Variants in KCNQ1OT1 observed in about 807,000 individuals in gnomAD.
The protein encoded by KCNQ1OT1 is KCNQ1 opposite strand/antisense transcript 1.
At chr11:2,610,070 A>C (rs1314442498) in exon 1 of KCNQ1OT1, 1 of 397,850 alleles carries the variant, frequency 2.5e-6, no homozygotes, top group East Asian at 3.6e-5. Context: ...TTTTCTATGT[A>C]CTATTTCTTG....
exon 1 of KCNQ1OT1, chr11:2,634,333 C>A (rs1174118263): frequency 3.7e-6 from 1 of 271,560 alleles, no homozygotes; most frequent in Non-Finnish European, 6.8e-6. Context: ...CCCCTCCCCC[C>A]CCACCCCACA....
exon 1 of KCNQ1OT1, chr11:2,614,695 T>C: frequency 2.5e-6 from 1 of 398,352 alleles, no homozygotes; most frequent in Non-Finnish European, 4.4e-6. Flanking sequence ...TATGTGAGTG[T>C]TTATTTCTAC....
At position 2,678,496 on chromosome 11, in the gene KCNQ1OT1, C is replaced by G. The variant is rs1850331786; in HGVS notation, n.21499G>C. 1 of 398,434 alleles carries G rather than the reference C, an allele frequency of 2.5e-6. No homozygotes were observed. The highest frequency in any genetic ancestry group is 1.3e-4 in the South Asian group (1 of 7,858). The allele number at this position is 398,434 out of a possible 1,614,324, so 24.7% of individuals were successfully genotyped here. ...TTTCAAACTCTCATTTAATTTGTGT[C>G]CATTTCTAGACTCTATTCTGGACTG... On this transcript the variant is annotated non_coding_transcript_exon_variant, in exon 1 of 1. Coordinates refer to ENST00000597346, the Ensembl canonical transcript of KCNQ1OT1. The surrounding 1 kb of genome is among the most constrained non-coding windows in gnomAD (Gnocchi z 4.9).
In KCNQ1OT1 at chr11:2,627,632, C is replaced by T; in HGVS notation, n.72363G>A. On this transcript the variant is annotated non_coding_transcript_exon_variant, in exon 1 of 1. Transcript: ENST00000597346. This position sits in a 1 kb window ranked among gnomAD's most constrained non-coding sequence, Gnocchi z 4.9. The stretch of plus-strand genomic sequence containing the variant: ...ATGTTGTCATAAATTGCATGATTTC[C>T]TGCTTTTTAAAGGATGAATATTTCA... 1 of 398,272 alleles carries T rather than the reference C, an allele frequency of 2.5e-6. No individual in the cohort carries two copies. Among genetic ancestry groups the T allele is most frequent in the South Asian group, 1.3e-4 (1 of 7,842 alleles). The allele number at this position is 398,272 out of a possible 1,614,324, so 24.7% of individuals were successfully genotyped here.
exon 1 of KCNQ1OT1, chr11:2,650,806 A>T (rs1251021079): frequency 2.5e-6 from 1 of 398,634 alleles, no homozygotes; most frequent in South Asian, 1.3e-4. Flanking sequence ...AGCATGGGTC[A>T]TGTGGTTTTA....
At position 2,674,061 on chromosome 11, in the gene KCNQ1OT1, G is replaced by T; in HGVS notation, n.25934C>A. ...AGCCCCTCATTTGTACTTGCTGGCT[G>T]CCCCATGGGGGCTTGGGCTAGGTCT... On this transcript the variant is annotated non_coding_transcript_exon_variant, in exon 1 of 1. Coordinates refer to ENST00000597346, the Ensembl canonical transcript of KCNQ1OT1. This position sits in a 1 kb window ranked among gnomAD's most constrained non-coding sequence, Gnocchi z 5.9. The T allele has an allele frequency of 2.5e-6, 1 of 398,674 alleles. No individual in the cohort carries two copies. Among genetic ancestry groups the T allele is most frequent in the Non-Finnish European group, 4.4e-6 (1 of 226,104 alleles). The allele number at this position is 398,674 out of a possible 1,614,324, so 24.7% of individuals were successfully genotyped here.
At chr11:2,610,213 G>A (rs892025044) in exon 1 of KCNQ1OT1, 40 of 397,324 alleles carry the variant, frequency 1.0e-4, no homozygotes, top group South Asian at 2.6e-4. Context: ...CTTATGTATC[G>A]TCTCAAAATT....
chr11:2,656,955 G>A (rs1165205063), exon 1 of KCNQ1OT1: 2 of 398,476 alleles, frequency 5.0e-6, no homozygotes, highest in East Asian at 3.6e-5. Flanking sequence ...GTATCCAACT[G>A]CTCCTGAACA....
chr11:2,690,988 A>G lies in KCNQ1OT1; in HGVS notation n.9007T>C, dbSNP rs761190292. The stretch of plus-strand genomic sequence containing the variant: ...TGTGTCAACAAAAGCCCACCAGACC[A>G]TCAATGAAGTGGGCAAAAGCTCTGG... On this transcript the variant is annotated non_coding_transcript_exon_variant, in exon 1 of 1. Transcript: ENST00000597346. This position sits in a 1 kb window ranked among gnomAD's most constrained non-coding sequence, Gnocchi z 5.1. 5.0e-6 allele frequency: 2 copies of G among 398,698 alleles called. No individual in the cohort carries two copies. Among genetic ancestry groups the G allele is most frequent in the Non-Finnish European group, 8.8e-6 (2 of 226,080 alleles). The allele number at this position is 398,698 out of a possible 1,614,324, so 24.7% of individuals were successfully genotyped here.
At chr11:2,684,181 T>G (rs551845941) in exon 1 of KCNQ1OT1, 1 of 398,544 alleles carries the variant, frequency 2.5e-6, no homozygotes, top group African/African-American at 2.1e-5. Flanking sequence ...AAGCGCCCAC[T>G]GGGGCTTGGT....
exon 1 of KCNQ1OT1, chr11:2,697,709 A>G (rs1850702635): frequency 2.5e-6 from 1 of 398,496 alleles, no homozygotes; most frequent in African/African-American, 2.1e-5. Flanking sequence ...TTGCATTCCT[A>G]AGAGCAATCC....
chr11:2,660,043 G>C (rs1044684688), exon 1 of KCNQ1OT1: 1 of 398,306 alleles, frequency 2.5e-6, no homozygotes, highest in African/African-American at 2.1e-5. Context: ...TTTTAATTTT[G>C]ATAAAGTCCA....
chr11:2,695,447 C>G lies in KCNQ1OT1; in HGVS notation n.4548G>C, dbSNP rs1850657638. On this transcript the variant is annotated non_coding_transcript_exon_variant, in exon 1 of 1. Transcript: ENST00000597346. This position sits in a 1 kb window ranked among gnomAD's most constrained non-coding sequence, Gnocchi z 5.2. ...CCCTCTTTCTGTTTGGCATTTGTGT[C>G]ACTCAGCACTGTGTTTCCACGCGTC... 2.5e-6 allele frequency: 1 copy of G among 398,594 alleles called. No individual in the cohort carries two copies. The highest frequency in any genetic ancestry group is 2.1e-5 in the African/African-American group (1 of 48,716). 24.7% of individuals were successfully genotyped at this position (398,594 alleles called of 1,614,324 possible). A position where few individuals can be genotyped will look rare whatever the true frequency, so the allele number is the denominator to read the frequency against.
At chr11:2,638,218 T>A (rs551888967) in exon 1 of KCNQ1OT1, 1 of 152,188 alleles carries the variant, frequency 6.6e-6, no homozygotes, top group East Asian at 1.9e-4. Flanking sequence ...TGATCCATTA[T>A]GATGTTAGCT....
rs1850427548 is a variant in KCNQ1OT1 at position 2,683,181 on chromosome 11, G to T, written n.16814C>A. ...ATGGGTATTAGCATCTGCATTAAAA[G>T]GCTCCCACTGACAGCTCATGCATTG... On this transcript the variant is annotated non_coding_transcript_exon_variant, in exon 1 of 1. Coordinates refer to ENST00000597346, the Ensembl canonical transcript of KCNQ1OT1. The surrounding 1 kb of genome is among the most constrained non-coding windows in gnomAD (Gnocchi z 4.7). 1.0e-5 allele frequency: 4 copies of T among 398,680 alleles called. No individual in the cohort carries two copies. In the East Asian group the frequency reaches 1.4e-4, roughly 14 times the overall value. 24.7% of individuals were successfully genotyped at this position (398,680 alleles called of 1,614,324 possible).
At position 2,669,384 on chromosome 11, in the gene KCNQ1OT1, C is replaced by T; in HGVS notation, n.30611G>A. ...AATGGGTATCCTTATAGTTTTGGGG[C>T]TCCTGAAACATGGCATCATGTGTCC... On this transcript the variant is annotated non_coding_transcript_exon_variant, in exon 1 of 1. Coordinates refer to ENST00000597346, the Ensembl canonical transcript of KCNQ1OT1. The surrounding 1 kb of genome is among the most constrained non-coding windows in gnomAD (Gnocchi z 5.6). 2.5e-6 allele frequency: 1 copy of T among 398,636 alleles called. No homozygotes were observed. Among genetic ancestry groups the T allele is most frequent in the East Asian group, 3.6e-5 (1 of 28,086 alleles). The allele number at this position is 398,636 out of a possible 1,614,324, so 24.7% of individuals were successfully genotyped here.
rs370070707 is a variant in KCNQ1OT1, at chr11:2,677,231, T to C, written n.22764A>G. 80 of 398,540 alleles carry C rather than the reference T, an allele frequency of 2.0e-4. No homozygotes were observed. Among genetic ancestry groups the C allele is most frequent in the African/African-American group, 1.4e-3 (70 of 48,722 alleles). 24.7% of individuals were successfully genotyped at this position (398,540 alleles called of 1,614,324 possible). A position where few individuals can be genotyped will look rare whatever the true frequency, so the allele number is the denominator to read the frequency against. On this transcript the variant is annotated non_coding_transcript_exon_variant, in exon 1 of 1. Coordinates refer to ENST00000597346, the Ensembl canonical transcript of KCNQ1OT1. This position sits in a 1 kb window ranked among gnomAD's most constrained non-coding sequence, Gnocchi z 4.5. ...TGTCTCTTGTCAACCAAAGACAATA[T>C]AAAGCACACACAAAGTAAAGAGGAA...
chr11:2,633,977 T>C (rs987522756), exon 1 of KCNQ1OT1: 10 of 398,438 alleles, frequency 2.5e-5, no homozygotes, highest in Admixed American at 1.8e-4. Flanking sequence ...TTCAAATCTA[T>C]GTTGTTGAAG....
exon 1 of KCNQ1OT1, chr11:2,644,040 C>G (rs984989363): frequency 2.0e-5 from 8 of 398,340 alleles, no homozygotes; most frequent in African/African-American, 1.4e-4. Context: ...CTCTCTTTGT[C>G]TTGGGATGGG....
Sources: allele counts gnomAD v4.1 joint callset, GRCh38; gene constraint gnomAD v4.1.1; non-coding constraint Gnocchi (gnomAD v3.1); transcripts MANE v1.5; gene names NCBI Gene and HGNC (gene_info 2026-07-23, HGNC 2026-07-21).